Variants in TBL1Y observed in about 807,000 individuals in gnomAD.
TBL1Y encodes the protein F-box-like/WD repeat-containing protein TBL1Y.
In TBL1Y, 15 loss-of-function variants were observed where a neutral mutation model predicts 12.0. The observed-to-expected ratio is 1.25, with a 90% CI of 0.83 to 1.92. TBL1Y has a LOEUF of 1.92. Ranked by LOEUF, TBL1Y falls within the 40% of genes most tolerant of loss-of-function variation. The pLI is 0.00. For missense variants in TBL1Y, 148 were observed against 116.7 expected (o/e 1.27, Z -1.24); for synonymous variants, 53 against 42.6 (o/e 1.24, Z -0.95).
At chrY:7,006,794 G>C (rs2012488986) in intron 4 of TBL1Y, among the ~76,000 whole-genome samples, 2 of 33,112 alleles carry the variant, frequency 6.0e-5, no homozygotes. Context: ...CAAAAAGTGG[G>C]CAAAGGATAT....
intron 3 of TBL1Y, among the ~76,000 whole-genome samples, chrY:6,990,644 C>T (rs2012356632): frequency 3.8e-5 from 1 of 26,517 alleles, no homozygotes; most frequent in Non-Finnish European, 8.7e-5. Context: ...CTGCAAGCTC[C>T]GCCTCCCGGG....
chrY:6,960,587 C>T (rs2012116972), intron 2 of TBL1Y, among the ~76,000 whole-genome samples: 1 of 33,393 alleles, frequency 3.0e-5, no homozygotes, highest in Non-Finnish European at 7.4e-5. Context: ...AAATCACTAT[C>T]ATAGACTGGA....
chrY:7,056,334 G>A (rs777199916), intron 7 of TBL1Y, among the ~76,000 whole-genome samples: 2 of 32,665 alleles, frequency 6.1e-5, no homozygotes, highest in South Asian at 7.2e-4. Context: ...TTACCCTCCC[G>A]TATAATGGGT....
chrY:6,967,533 C>T, intron 2 of TBL1Y, among the ~76,000 whole-genome samples: 1 of 32,778 alleles, frequency 3.1e-5, no homozygotes, highest in African/African-American at 1.2e-4. Context: ...CAGAGGCGTG[C>T]GCCACCATAT....
At chrY:6,939,533 C>T in intron 2 of TBL1Y, among the ~76,000 whole-genome samples, 3 of 33,072 alleles carry the variant, frequency 9.1e-5, no homozygotes, top group African/African-American at 3.5e-4. Flanking sequence ...TTACATATCC[C>T]AGGGTTTGGG....
chrY:7,001,059 T>C (rs2012446749), intron 4 of TBL1Y, among the ~76,000 whole-genome samples: 1 of 32,755 alleles, frequency 3.1e-5, no homozygotes, highest in African/African-American at 1.2e-4. Flanking sequence ...GTTGGCATGG[T>C]CATCCCCATT....
chrY:7,064,795 C>T, intron 8 of TBL1Y, among the ~76,000 whole-genome samples: 1 of 33,424 alleles, frequency 3.0e-5, no homozygotes. Context: ...TGTGTATATA[C>T]ATGTGTGCAC....
intron 8 of TBL1Y, 92 bp downstream of exon 8, chrY:7,064,241 C>G: frequency 3.6e-6 from 1 of 279,713 alleles, no homozygotes; most frequent in Non-Finnish European, 5.4e-6. Context: ...TCTTAAAAAC[C>G]TACCTGATAT....
At chrY:7,063,759 C>A in intron 7 of TBL1Y, 138 bp from the exon 8 acceptor site, 3 of 192,927 alleles carry the variant, frequency 1.6e-5, no homozygotes, top group Non-Finnish European at 2.8e-5. Flanking sequence ...TATGCTACTT[C>A]CCCCGTGGCC....
At chrY:7,090,238 G>T in intron 18 of TBL1Y, 48 bp downstream of exon 18, 1 of 329,072 alleles carries the variant, frequency 3.0e-6, no homozygotes, top group Non-Finnish European at 4.5e-6. Flanking sequence ...TGGGGGAGGG[G>T]GATAAGTGAA....
chrY:7,062,991 C>A, intron 7 of TBL1Y, among the ~76,000 whole-genome samples: 1 of 33,266 alleles, frequency 3.0e-5, no homozygotes, highest in Non-Finnish European at 7.4e-5. Context: ...ATGTGAGGAT[C>A]CTTTAAGGTA....
intron 14 of TBL1Y, among the ~76,000 whole-genome samples, chrY:7,085,446 C>G (rs2124191375): frequency 6.5e-5 from 2 of 30,766 alleles, no homozygotes; most frequent in Non-Finnish European, 1.6e-4. Flanking sequence ...CTGCAGTGAG[C>G]TAGAATCGGG....
At position 6,933,527 on chromosome Y, in the gene TBL1Y, T is replaced by C. The variant is rs556177853; in HGVS notation, c.-266+21355T>C. Among the ~76,000 whole-genome samples, 26 of 32,881 alleles carry C rather than the reference T, an allele frequency of 7.9e-4. No individual in the cohort carries two copies. In the East Asian group the frequency reaches 0.02, roughly 25 times the overall value. 88.2% of individuals were successfully genotyped at this position (32,881 alleles called of 37,273 possible). ...AGTAGGAAATGCTGCATAAAGAAGG[T>C]GGGAAATGAGCTACCTGTAGAAAGA... is the stretch of plus-strand genomic sequence containing the variant. On this transcript the variant is annotated intron_variant, in intron 2 of 18. Coordinates refer to ENST00000383032, the MANE Select transcript of TBL1Y (RefSeq NM_033284.2).
chrY:6,923,684 C>T (rs757242327), intron 2 of TBL1Y, among the ~76,000 whole-genome samples: 1 of 32,349 alleles, frequency 3.1e-5, no homozygotes, highest in Non-Finnish European at 7.5e-5. Flanking sequence ...CCATGCCTGG[C>T]TAATCTGTAT....
chrY:7,083,976 GCCACCCATA>G, intron 14 of TBL1Y, among the ~76,000 whole-genome samples: 1 of 32,363 alleles, frequency 3.1e-5, no homozygotes, highest in Non-Finnish European at 7.6e-5. Flanking sequence ...CATTTCCTGG[GCCACCCATA>G]CCACATAGAG....
chrY:6,958,581 A>G (rs2124113907), intron 2 of TBL1Y, among the ~76,000 whole-genome samples: 4 of 32,927 alleles, frequency 1.2e-4, no homozygotes, highest in Admixed American at 2.8e-4. Flanking sequence ...GTTTTTATTG[A>G]TTATTATTTT....
chrY:6,963,741 G>A (rs2012148441), intron 2 of TBL1Y, among the ~76,000 whole-genome samples: 1 of 33,731 alleles, frequency 3.0e-5, no homozygotes, highest in African/African-American at 1.2e-4. Flanking sequence ...GCTGCCTGCT[G>A]TGGCGGGGGA....
intron 2 of TBL1Y, among the ~76,000 whole-genome samples, chrY:6,933,337 G>A: frequency 4.5e-4 from 15 of 33,681 alleles, no homozygotes; most frequent in Non-Finnish European, 1.1e-3. Context: ...GGGGAAAGGG[G>A]AAAGAAGGCA....
At chrY:6,990,792 C>T (rs2012358952) in intron 3 of TBL1Y, among the ~76,000 whole-genome samples, 1 of 31,412 alleles carries the variant, frequency 3.2e-5, no homozygotes, top group Non-Finnish European at 7.7e-5. Context: ...CTCCTGACCT[C>T]GTTATCTACC....
Sources: allele counts gnomAD v4.1 joint callset (sites outside exome capture counted in the v4.1 genomes callset), GRCh38; gene constraint gnomAD v4.1.1; transcripts MANE v1.5; gene names NCBI Gene and HGNC (gene_info 2026-07-23, HGNC 2026-07-21).